The following PRKG1 variants were observed in gnomAD, a reference collection of about 807,000 sequenced individuals.
PRKG1 encodes the protein protein kinase cGMP-dependent 1.
PRKG1 carries 35 observed loss-of-function variants against 88.1 expected under a neutral mutation model. The observed-to-expected ratio is 0.40, with a 90% CI of 0.30 to 0.53. The LOEUF is 0.53. Among genes scored for constraint, PRKG1 ranks in the 20% least tolerant of loss-of-function variants. The pLI, the probability that PRKG1 is intolerant of heterozygous loss-of-function variation, is 0.59. For missense variants in PRKG1, 540 were observed against 839.8 expected, an observed-to-expected ratio of 0.64 and a Z score of 4.41; for synonymous variants, 303 against 292.5, an observed-to-expected ratio of 1.04 and a Z score of -0.37.
intron 7 of PRKG1, among the ~76,000 whole-genome samples, chr10:52,078,367 T>A (rs1257210507): frequency 6.6e-6 from 1 of 152,202 alleles, no homozygotes; most frequent in Non-Finnish European, 1.5e-5. Flanking sequence ...AAGATAAATG[T>A]ATGGTTTTTA....
At position 51,625,506 on chromosome 10, in the gene PRKG1, C is replaced by T. The variant is rs370341076; in HGVS notation, c.592+157670C>T. ...AAAAAGAAAGAAAGAAAGAAAGACC[C>T]ATAGACACAGAAATAAATTCGTGGC... On this transcript the variant is annotated intron_variant, in intron 3 of 17. Coordinates refer to ENST00000373980, the MANE Select transcript of PRKG1 (RefSeq NM_006258.4). 4.9e-4 allele frequency among the ~76,000 whole-genome samples: 75 copies of T among 151,994 alleles called. No individual in the cohort carries two copies. The East Asian group carries it at 9.3e-3, about 19-fold the overall frequency.
intron 3 of PRKG1, among the ~76,000 whole-genome samples, chr10:51,716,356 A>G (rs992804199): frequency 4.6e-5 from 7 of 152,144 alleles, no homozygotes; most frequent in African/African-American, 1.7e-4. Context: ...CAAACATAAC[A>G]TTCTCTGCCA....
intron 2 of PRKG1, among the ~76,000 whole-genome samples, chr10:51,466,053 G>A (rs1280014687): frequency 2.0e-5 from 3 of 152,126 alleles, no homozygotes; most frequent in Admixed American, 6.5e-5. Context: ...ACAGAAAAGA[G>A]AACCAGAACT....
In PRKG1 at chr10:50,991,411, T is replaced by C; in HGVS notation, c.33T>C (p.Ile11=). 6.4e-7 allele frequency: 1 copy of C among 1,564,284 alleles called. No homozygotes were observed. The highest frequency in any genetic ancestry group is 8.7e-7 in the Non-Finnish European group (1 of 1,155,914). Residue 11 remains isoleucine (I), a synonymous_variant, in exon 1 of 18, where the codon ATT becomes ATC. Transcript: ENST00000401604. The surrounding 1 kb of genome is among the most constrained non-coding windows in gnomAD (Gnocchi z 4.5). ...AGCTAGAGGAAGACTTTGCCAAGAT[T>C]CTCATGCTCAAGGAGGAGAGGATCA...
In PRKG1 at chr10:52,102,179, T is replaced by G. The variant is rs528622373; in HGVS notation, c.936-31661T>G. Among the ~76,000 whole-genome samples, 3 of 152,300 alleles carry G rather than the reference T, an allele frequency of 2.0e-5. No individual in the cohort carries two copies. The East Asian group carries it at 5.8e-4, about 29-fold the overall frequency. ...ATAAACAACTGCCTTTTTACAGTTT[T>G]TTTTGTTTTGTTTTTTGTTGTTTAC... On this transcript the variant is annotated intron_variant, in intron 7 of 17. Transcript: ENST00000373980.
intron 3 of PRKG1, among the ~76,000 whole-genome samples, chr10:51,473,290 G>A (rs1044021147): frequency 1.3e-5 from 2 of 151,776 alleles, no homozygotes; most frequent in Non-Finnish European, 2.9e-5. Context: ...ACATACAAAA[G>A]CCATGTTTTA....
chr10:52,081,572 T>A (rs1443332791), intron 7 of PRKG1: 2 of 456,466 alleles, frequency 4.4e-6, no homozygotes, highest in African/African-American at 4.0e-5. Flanking sequence ...CATTCAATAC[T>A]TACCATATGC....
intron 2 of PRKG1, among the ~76,000 whole-genome samples, chr10:51,188,696 A>G (rs1230729985): frequency 2.0e-5 from 3 of 151,906 alleles, no homozygotes; most frequent in Non-Finnish European, 2.9e-5. Context: ...GACATTCTAG[A>G]GGGTGACTGT....
At chr10:52,107,035 A>G (rs1847443279) in intron 7 of PRKG1, among the ~76,000 whole-genome samples, 2 of 152,172 alleles carry the variant, frequency 1.3e-5, no homozygotes, top group African/African-American at 4.8e-5. Flanking sequence ...CTGATCCTCC[A>G]TAGTCAGTGA....
intron 7 of PRKG1, among the ~76,000 whole-genome samples, chr10:52,121,618 T>C (rs1373561075): frequency 6.6e-6 from 1 of 152,240 alleles, no homozygotes; most frequent in Non-Finnish European, 1.5e-5. Context: ...AATAAAGCCC[T>C]AGGGCGTGGA....
intron 3 of PRKG1, among the ~76,000 whole-genome samples, chr10:51,517,666 A>G (rs1485592813): frequency 6.6e-6 from 1 of 152,126 alleles, no homozygotes; most frequent in Non-Finnish European, 1.5e-5. Context: ...TTATAGGTCT[A>G]TTTCTATAAT....
At chr10:51,875,238 A>G (rs1445118322) in intron 4 of PRKG1, among the ~76,000 whole-genome samples, 1 of 152,122 alleles carries the variant, frequency 6.6e-6, no homozygotes, top group Non-Finnish European at 1.5e-5. Flanking sequence ...ACTGCTTCAT[A>G]GTGGACAAAT....
intron 3 of PRKG1, among the ~76,000 whole-genome samples, chr10:51,629,627 T>C (rs1839473554): frequency 6.6e-6 from 1 of 152,152 alleles, no homozygotes; most frequent in Non-Finnish European, 1.5e-5. Flanking sequence ...TATTCCATCT[T>C]GATTTTAATT....
intron 3 of PRKG1, among the ~76,000 whole-genome samples, chr10:51,722,920 A>C (rs986451564): frequency 2.0e-5 from 3 of 152,174 alleles, no homozygotes; most frequent in Non-Finnish European, 4.4e-5. Context: ...TCTTCTGCCT[A>C]CTTGATCTCT....
chr10:51,987,132 T>G (rs982861218), intron 5 of PRKG1, among the ~76,000 whole-genome samples: 2 of 152,124 alleles, frequency 1.3e-5, no homozygotes, highest in Admixed American at 1.3e-4. Flanking sequence ...ACAGATTCTA[T>G]TAGAAGCATC....
At chr10:52,125,016 T>A (rs1847899922) in intron 7 of PRKG1, among the ~76,000 whole-genome samples, 1 of 152,214 alleles carries the variant, frequency 6.6e-6, no homozygotes, top group Non-Finnish European at 1.5e-5. Flanking sequence ...TGAGGCTCTT[T>A]TATATTAAGC....
intron 3 of PRKG1, among the ~76,000 whole-genome samples, chr10:51,601,203 G>A (rs576146232): frequency 1.3e-5 from 2 of 152,044 alleles, no homozygotes; most frequent in Non-Finnish European, 2.9e-5. Context: ...ACTTCTTGGG[G>A]AAGGGAATGT....
At chr10:51,148,339 G>C (rs1254103923) in intron 1 of PRKG1, 4 of 872,932 alleles carry the variant, frequency 4.6e-6, no homozygotes. Flanking sequence ...AAGAAAATTA[G>C]TGAGTGATGT....
At chr10:51,895,323 C>T (rs1311653864) in intron 4 of PRKG1, among the ~76,000 whole-genome samples, 2 of 152,176 alleles carry the variant, frequency 1.3e-5, no homozygotes, top group African/African-American at 2.4e-5. Flanking sequence ...CTGGGTGTGT[C>T]CCTTTCCTCA....
Sources: gnomAD v4.1 joint callset for allele counts (sites outside exome capture counted in the v4.1 genomes callset) on GRCh38, gnomAD v4.1.1 for gene constraint, Gnocchi (gnomAD v3.1) non-coding constraint, MANE v1.5 for transcripts, NCBI Gene and HGNC (gene_info 2026-07-23, HGNC 2026-07-21) for gene names.